RAE1: variants seen among roughly 807,000 people sequenced by gnomAD.
The protein encoded by RAE1 is ribonucleic acid export 1, also known as mRNA export factor RAE1.
A neutral mutation model predicts 52.7 loss-of-function variants in RAE1; 13 were observed. The ratio of observed to expected loss-of-function variants is 0.25; its 90% CI spans 0.16 to 0.39. The LOEUF (loss-of-function observed/expected upper bound fraction) is 0.39, where lower values mean the gene tolerates loss of function less well. Ranked by LOEUF, RAE1 falls within the 10% of genes least tolerant of loss-of-function variation. The pLI is 1.00. For synonymous variants in RAE1, 164 were observed against 153.1 expected, an observed-to-expected ratio of 1.07 and a Z score of -0.52; for missense variants, 262 against 459.8, an observed-to-expected ratio of 0.57 and a Z score of 3.93.
intron 1 of RAE1, chr20:57,352,022 C>T: frequency 2.1e-6 from 2 of 961,386 alleles, no homozygotes; most frequent in Non-Finnish European, 2.5e-6. Context: ...CTCTTGGAGC[C>T]AGCATTCTGG....
At chr20:57,372,543 G>A (rs1186232630) in intron 8 of RAE1, 1 of 152,286 alleles carries the variant, frequency 6.6e-6, no homozygotes, top group East Asian at 1.9e-4. Flanking sequence ...AGAACTTACA[G>A]ATGTTTGTCA....
At chr20:57,365,591 A>G (rs2066944011) in intron 5 of RAE1, 149 bp downstream of exon 5, 1 of 530,584 alleles carries the variant, frequency 1.9e-6, no homozygotes, top group Non-Finnish European at 3.1e-6. Context: ...AAACCTCTTT[A>G]GCACAAAAAT....
chr20:57,356,428 A>G lies in RAE1; in HGVS notation c.196-18A>G, dbSNP rs1455301785. The G allele has an allele frequency of 1.9e-6, 3 of 1,598,318 alleles. No homozygotes were observed. Among genetic ancestry groups the G allele is most frequent in the East Asian group, 2.2e-5 (1 of 44,546 alleles). The stretch of plus-strand genomic sequence containing the variant: ...ATCGTAATTGCTTTGTTTGCATTGA[A>G]TTTTTTTGTTACTACAGGTTCGCTG... On this transcript the variant is annotated intron_variant, in intron 3 of 11. Coordinates refer to ENST00000395841, the MANE Select transcript of RAE1 (RefSeq NM_003610.4).
intron 7 of RAE1, among the ~76,000 whole-genome samples, chr20:57,368,248 GATAA>G (rs1312986320): frequency 1.3e-5 from 2 of 152,230 alleles, no homozygotes; most frequent in Non-Finnish European, 2.9e-5. Flanking sequence ...CCAAGACACA[GATAA>G]ATAAACCCTG....
chr20:57,367,561 G>C (rs1256306215), intron 7 of RAE1, among the ~76,000 whole-genome samples: 2 of 152,036 alleles, frequency 1.3e-5, no homozygotes, highest in East Asian at 3.9e-4. Flanking sequence ...TGGCCAACAT[G>C]GTGAAACCCC....
chr20:57,368,645 A>G (rs989429118), intron 7 of RAE1, 60 bp from the exon 8 acceptor site: 2 of 1,154,496 alleles, frequency 1.7e-6, no homozygotes, highest in East Asian at 2.4e-5. Context: ...CAAATACATT[A>G]GTATAAAAAC....
intron 3 of RAE1, 48 bp downstream of exon 3, chr20:57,354,864 G>A (rs1171601450): frequency 2.1e-6 from 3 of 1,405,244 alleles, no homozygotes; most frequent in Non-Finnish European, 2.9e-6. Context: ...CTCTTTGTAT[G>A]GCCAAGGTTA....
intron 1 of RAE1, 117 bp downstream of exon 1, chr20:57,351,539 A>C: frequency 6.1e-6 from 6 of 985,436 alleles, no homozygotes; most frequent in Non-Finnish European, 7.2e-6. Flanking sequence ...GGGACTGTTG[A>C]CTAAGCTTCG....
chr20:57,368,744 C>T lies in RAE1; in HGVS notation c.574C>T (p.Leu192=). 1.9e-6 allele frequency: 3 copies of T among 1,613,814 alleles called. No individual in the cohort carries two copies. Among genetic ancestry groups the T allele is most frequent in the Non-Finnish European group, 2.5e-6 (3 of 1,179,932 alleles). Residue 192 remains leucine, a synonymous_variant, in exon 8 of 12, where the codon CTG becomes TTG. Coordinates refer to ENST00000395841, the MANE Select transcript of RAE1 (RefSeq NM_003610.4). ...MAVVATAERG[L]IVYQLENQPS... Reference sequence around the variant, plus strand: ...TGTGGTGGCAACTGCAGAGAGGGGCCTGATTGTCTATCAGCTAGAGAATCA... The same window carrying T: ...TGTGGTGGCAACTGCAGAGAGGGGCTTGATTGTCTATCAGCTAGAGAATCA...
chr20:57,378,668 T>C lies in RAE1; in HGVS notation c.*569T>C, dbSNP rs2067149811. ...TGAGCCCTGGTGGGCAGAGTTTGAA[T>C]GTGTTTTTCCTTGCTTCCCTCATTC... On this transcript the variant is annotated 3_prime_UTR_variant, in exon 12 of 12. Coordinates refer to ENST00000395841, the MANE Select transcript of RAE1 (RefSeq NM_003610.4). 6.6e-6 allele frequency: 1 copy of C among 152,482 alleles called. No homozygotes were observed. The highest frequency in any genetic ancestry group is 2.1e-4 in the South Asian group (1 of 4,822). The allele number at this position is 152,482 out of a possible 1,614,324, so 9.4% of individuals were successfully genotyped here.
At chr20:57,360,952 C>G (rs540640860) in intron 4 of RAE1, among the ~76,000 whole-genome samples, 2 of 152,042 alleles carry the variant, frequency 1.3e-5, no homozygotes, top group Non-Finnish European at 2.9e-5. Context: ...TGTAATCTTA[C>G]AAAGAACTAA....
chr20:57,373,174 C>T (rs2067061449), intron 8 of RAE1: 5 of 374,396 alleles, frequency 1.3e-5, no homozygotes, highest in South Asian at 1.1e-4. Context: ...CAGGCAGGGC[C>T]GCTGTCTGCC....
At chr20:57,362,783 A>C (rs1459123920) in intron 4 of RAE1, among the ~76,000 whole-genome samples, 1 of 152,004 alleles carries the variant, frequency 6.6e-6, no homozygotes, top group African/African-American at 2.4e-5. Flanking sequence ...AATAGAGGTA[A>C]ATTTTTGTTT....
chr20:57,356,909 G>T (rs1032732009), intron 4 of RAE1, among the ~76,000 whole-genome samples: 2 of 152,224 alleles, frequency 1.3e-5, no homozygotes, highest in African/African-American at 2.4e-5. Flanking sequence ...GCCAGGGGAT[G>T]AACAGCTGTA....
intron 10 of RAE1, 109 bp from the exon 11 acceptor site, chr20:57,374,498 A>C (rs1214978954): frequency 2.0e-6 from 2 of 1,018,380 alleles, no homozygotes; most frequent in Non-Finnish European, 2.9e-6. Context: ...AGCTGGAAGG[A>C]AATGTACCTG....
At chr20:57,368,260 C>T (rs2066986282) in intron 7 of RAE1, among the ~76,000 whole-genome samples, 1 of 152,108 alleles carries the variant, frequency 6.6e-6, no homozygotes, top group Admixed American at 6.5e-5. Context: ...TAAATAAACC[C>T]TGTGGTAGGT....
chr20:57,354,666 A>G, intron 2 of RAE1, 46 bp from the exon 3 acceptor site: 1 of 1,369,702 alleles, frequency 7.3e-7, no homozygotes, highest in Non-Finnish European at 9.9e-7. Flanking sequence ...ATTTGGAATG[A>G]AGTTGTGAGC....
chr20:57,368,867 T>G, intron 8 of RAE1, 55 bp downstream of exon 8: 1 of 1,397,336 alleles, frequency 7.2e-7, no homozygotes, highest in Non-Finnish European at 1.0e-6. Context: ...GTATGCAAGA[T>G]TGTGCTCACA....
chr20:57,363,414 G>C (rs1482097922), intron 4 of RAE1, among the ~76,000 whole-genome samples: 1 of 152,186 alleles, frequency 6.6e-6, no homozygotes, highest in Non-Finnish European at 1.5e-5. Context: ...TTGGGAGACT[G>C]AGGCAGGAGG....
Sources: allele counts gnomAD v4.1 joint callset (sites outside exome capture counted in the v4.1 genomes callset), GRCh38; gene constraint gnomAD v4.1.1; transcripts MANE v1.5; gene names NCBI Gene and HGNC (gene_info 2026-07-23, HGNC 2026-07-21).